PDE9A: variants seen among roughly 807,000 people sequenced by gnomAD.
PDE9A encodes high affinity cGMP-specific 3',5'-cyclic phosphodiesterase 9A.
In PDE9A, 60 loss-of-function variants were observed where a neutral mutation model predicts 87.4. That is an observed-to-expected ratio of 0.69 (90% CI 0.56 to 0.85). PDE9A has a LOEUF of 0.85. Among genes scored for constraint, PDE9A ranks in the 40% least tolerant of loss-of-function variants. PDE9A has a pLI of 0.00. For missense variants in PDE9A, 665 were observed against 779.0 expected, an observed-to-expected ratio of 0.85 and a Z score of 1.74; for synonymous variants, 272 against 279.4, an observed-to-expected ratio of 0.97 and a Z score of 0.27.
At chr21:42,711,227 A>G (rs923533360) in intron 4 of PDE9A, among the ~76,000 whole-genome samples, 5 of 149,952 alleles carry the variant, frequency 3.3e-5, no homozygotes, top group South Asian at 2.1e-4. Flanking sequence ...TGTTGTGGTC[A>G]GTACTTCTTG....
intron 4 of PDE9A, among the ~76,000 whole-genome samples, chr21:42,715,728 G>C (rs944223842): frequency 6.6e-6 from 1 of 151,726 alleles, no homozygotes; most frequent in Non-Finnish European, 1.5e-5. Context: ...TCTCAGGGCT[G>C]TACATTCCCT....
At chr21:42,689,118 G>A (rs1204535163) in intron 3 of PDE9A, among the ~76,000 whole-genome samples, 2 of 151,348 alleles carry the variant, frequency 1.3e-5, no homozygotes, top group Non-Finnish European at 3.0e-5. Context: ...CACTCAGCGA[G>A]GTCCCAGTGG....
At chr21:42,689,794 T>C in intron 3 of PDE9A, 2 of 985,356 alleles carry the variant, frequency 2.0e-6, no homozygotes, top group South Asian at 9.4e-5. Flanking sequence ...CATGCCTTTC[T>C]GATAAAGAGA....
At chr21:42,683,271 T>A (rs913600097) in intron 1 of PDE9A, among the ~76,000 whole-genome samples, 2 of 152,170 alleles carry the variant, frequency 1.3e-5, no homozygotes, top group African/African-American at 4.8e-5. Flanking sequence ...GAATATCATC[T>A]GAGCGAGGCC....
chr21:42,764,120 C>T (rs2056112364), intron 14 of PDE9A, among the ~76,000 whole-genome samples: 2 of 152,202 alleles, frequency 1.3e-5, no homozygotes, highest in African/African-American at 4.8e-5. Flanking sequence ...GATGGGTGTG[C>T]ATGGTGATGG....
chr21:42,746,244 G>A (rs1010676871), intron 8 of PDE9A, among the ~76,000 whole-genome samples: 1 of 152,194 alleles, frequency 6.6e-6, no homozygotes, highest in African/African-American at 2.4e-5. Context: ...GAGGTTGCAG[G>A]GGGGAAGATT....
rs763169355 is a variant in PDE9A at position 42,769,441 on chromosome 21, TACACAGGCAC to T, written c.1590+300_1590+309del. Among the ~76,000 whole-genome samples, 60 of 114,124 alleles carry T rather than the reference TACACAGGCAC, an allele frequency of 5.3e-4. 1 individual carries two copies. The East Asian group carries it at 5.7e-3, about 11-fold the overall frequency. The allele number at this position is 114,124 out of a possible 152,430, so 74.9% of individuals were successfully genotyped here. A position where few individuals can be genotyped will look rare whatever the true frequency, so the allele number is the denominator to read the frequency against. On this transcript the variant is annotated intron_variant, in intron 17 of 19. Coordinates refer to ENST00000291539, the MANE Select transcript of PDE9A (RefSeq NM_002606.3). ...AGGCACACACTCGTGCACACACATG[TACACAGGCAC>T]ACACAGGCACACAAATGTGCATGCA...
chr21:42,762,146 C>A lies in PDE9A; in HGVS notation c.1149C>A (p.Asn383Lys). 1 of 1,614,138 alleles carries A rather than the reference C, an allele frequency of 6.2e-7. No homozygotes were observed. ...VRYNDISPLE[N>K]HHCAVAFQIL... Reference sequence around the variant, plus strand: ...ACAATGACATCTCACCGCTGGAGAACCACCACTGCGCCGTGGCCTTCCAGA... The same window carrying A: ...ACAATGACATCTCACCGCTGGAGAAACACCACTGCGCCGTGGCCTTCCAGA... Residue 383 changes from asparagine (N) to lysine (K), a missense_variant, in exon 14 of 20, where the codon AAC becomes AAA. Transcript: ENST00000291539.
intron 17 of PDE9A, 64 bp downstream of exon 17, chr21:42,769,219 A>G (rs13046985): frequency 0.062 from 91,806 of 1,477,168 alleles, 3,255 homozygotes; most frequent in South Asian, 0.11. Context: ...ACACACAGGC[A>G]CACACACATA....
Position 42,696,981 on chromosome 21 carries a change from C to G in PDE9A, c.219-1987C>G, listed in dbSNP as rs2060175700. Among the ~76,000 whole-genome samples, 1 of 152,226 alleles carries G rather than the reference C, an allele frequency of 6.6e-6. No individual in the cohort carries two copies. The highest frequency in any genetic ancestry group is 2.4e-5 in the African/African-American group (1 of 41,456). ...AAGTCTCTGGGGAGAAATGAGCCCT[C>G]CAGTGCCAAATGACCCACCACTAAA... On this transcript the variant is annotated intron_variant, in intron 3 of 19. Coordinates refer to ENST00000291539, the MANE Select transcript of PDE9A (RefSeq NM_002606.3). This position sits in a 1 kb window ranked among gnomAD's most constrained non-coding sequence, Gnocchi z 5.1.
chr21:42,727,707 T>A (rs1472049223), intron 4 of PDE9A, among the ~76,000 whole-genome samples: 1 of 152,060 alleles, frequency 6.6e-6, no homozygotes. Flanking sequence ...ACAATTGAAT[T>A]TTGTATGCTT....
In PDE9A at chr21:42,659,685, G is replaced by A. The variant is rs925107619; in HGVS notation, c.69+5802G>A. On this transcript the variant is annotated intron_variant, in intron 1 of 19. Transcript: ENST00000291539. This position sits in a 1 kb window ranked among gnomAD's most constrained non-coding sequence, Gnocchi z 4.1. Reference sequence around the variant, plus strand: ...TGTCACTTGTCTTGTCACTCCCCGAGTCCACTGTGAGCTAGAACCACAGGC... The same window carrying A: ...TGTCACTTGTCTTGTCACTCCCCGAATCCACTGTGAGCTAGAACCACAGGC... Among the ~76,000 whole-genome samples the A allele has an allele frequency of 6.6e-6, 1 of 152,184 alleles. No homozygotes were observed. The highest frequency in any genetic ancestry group is 1.5e-5 in the Non-Finnish European group (1 of 68,026).
chr21:42,672,118 A>G (rs71320540), intron 1 of PDE9A, among the ~76,000 whole-genome samples: 3,520 of 152,368 alleles, frequency 0.023, 69 homozygotes, highest in Middle Eastern at 0.048. Flanking sequence ...AGGAGCCTAA[A>G]TCAATATTTA....
intron 1 of PDE9A, among the ~76,000 whole-genome samples, chr21:42,658,249 G>A (rs71320535): frequency 0.064 from 9,681 of 152,250 alleles, 419 homozygotes; most frequent in Middle Eastern, 0.11. Flanking sequence ...GGTCCTCCCC[G>A]CAGTGCTTGG....
intron 8 of PDE9A, among the ~76,000 whole-genome samples, chr21:42,750,806 C>T (rs1461029905): frequency 2.0e-5 from 3 of 151,818 alleles, no homozygotes; most frequent in Non-Finnish European, 2.9e-5. Flanking sequence ...AGGATGGTCT[C>T]GATCTCCTGA....
In PDE9A at chr21:42,702,519, G is replaced by A. The variant is rs2048460980; in HGVS notation, c.262+3508G>A. ...TATTTTTCTGATTCTCGTGAATCTA[G>A]TAGATCTTGATGGAATGCTGATCAC... On this transcript the variant is annotated intron_variant, in intron 4 of 19. Coordinates refer to ENST00000291539, the MANE Select transcript of PDE9A (RefSeq NM_002606.3). The surrounding 1 kb of genome is among the most constrained non-coding windows in gnomAD (Gnocchi z 4.9). Among the ~76,000 whole-genome samples the A allele has an allele frequency of 6.6e-6, 1 of 152,142 alleles. No homozygotes were observed. Among genetic ancestry groups the A allele is most frequent in the African/African-American group, 2.4e-5 (1 of 41,436 alleles).
At chr21:42,719,217 C>T (rs1316685791) in intron 4 of PDE9A, among the ~76,000 whole-genome samples, 12 of 151,820 alleles carry the variant, frequency 7.9e-5, no homozygotes, top group African/African-American at 2.7e-4. Flanking sequence ...TGGGAACTCT[C>T]CTTTCCATTT....
chr21:42,731,130 T>C (rs538993505), intron 4 of PDE9A, among the ~76,000 whole-genome samples: 25 of 152,316 alleles, frequency 1.6e-4, no homozygotes, highest in African/African-American at 6.0e-4. Flanking sequence ...GCTAATTTTG[T>C]ATTTTTTAGT....
intron 7 of PDE9A, chr21:42,741,638 C>T (rs1352112304): frequency 6.6e-6 from 1 of 152,212 alleles, no homozygotes; most frequent in East Asian, 1.9e-4. Flanking sequence ...GATTCTTCGT[C>T]CTTCTGGCAG....
Sources: allele counts gnomAD v4.1 joint callset (sites outside exome capture counted in the v4.1 genomes callset), GRCh38; gene constraint gnomAD v4.1.1; non-coding constraint Gnocchi (gnomAD v3.1); transcripts MANE v1.5; gene names NCBI Gene and HGNC (gene_info 2026-07-23, HGNC 2026-07-21).